PIGQ: variants seen among roughly 807,000 people sequenced by gnomAD.
PIGQ encodes the protein phosphatidylinositol glycan anchor biosynthesis class Q.
Under a neutral mutation model 60.3 loss-of-function variants are expected in PIGQ, and 54 were observed. The observed-to-expected ratio is 0.90, with a 90% confidence interval of 0.72 to 1.12. The LOEUF (loss-of-function observed/expected upper bound fraction) is 1.12, where lower values mean the gene tolerates loss of function less well. PIGQ is among the 50% of genes most tolerant of loss of function. The pLI is 0.00. For synonymous variants in PIGQ, 416 were observed against 363.7 expected (o/e 1.14, Z -1.64); for missense variants, 799 against 793.5 (o/e 1.01, Z -0.08).
At chr16:580,448 T>A (rs527280388) in intron 8 of PIGQ, 185 bp downstream of exon 8, 12 of 559,920 alleles carry the variant, frequency 2.1e-5, no homozygotes, top group Middle Eastern at 4.5e-4. Context: ...TCCTGGCCAG[T>A]AAGACACCCT....
chr16:578,619 G>A (rs2035759586), intron 5 of PIGQ, 114 bp downstream of exon 5: 2 of 1,423,254 alleles, frequency 1.4e-6, no homozygotes, highest in Non-Finnish European at 9.7e-7. Context: ...CGTCCTGTGT[G>A]TGTGAGGCCT....
chr16:583,529 G>C lies in PIGQ; in HGVS notation c.*494G>C, dbSNP rs1213771447. On this transcript the variant is annotated 3_prime_UTR_variant, in exon 11 of 11. Coordinates refer to ENST00000321878, the MANE Select transcript of PIGQ (RefSeq NM_004204.5). ...CAGCCGAACAGCACCCTGCATCTGG[G>C]GGATTGAAGCAGTCGCTGACCCCCG... 1 of 1,612,490 alleles carries C rather than the reference G, an allele frequency of 6.2e-7. No individual in the cohort carries two copies. Among genetic ancestry groups the C allele is most frequent in the Non-Finnish European group, 8.5e-7 (1 of 1,179,824 alleles).
At chr16:582,844 C>T in intron 10 of PIGQ, 39 bp from the exon 11 acceptor site, 1 of 1,559,654 alleles carries the variant, frequency 6.4e-7, no homozygotes. Context: ...GGGGTTGGAG[C>T]TCAGACCACC....
chr16:579,443 GCCCAGAGA>G lies in PIGQ; in HGVS notation c.1335+265_1335+272del, dbSNP rs1313948124. On this transcript the variant is annotated intron_variant, in intron 7 of 10. Coordinates refer to ENST00000321878, the MANE Select transcript of PIGQ (RefSeq NM_004204.5). Reference sequence around the variant, plus strand: ...GGCACAGGCCCTAGAGGTGCCCCGGGCCCAGAGACTAGAGATGCCCCGGGCCCGGAGAC... The same window carrying G: ...GGCACAGGCCCTAGAGGTGCCCCGGGCTAGAGATGCCCCGGGCCCGGAGAC... 2.0e-4 allele frequency: 74 copies of G among 365,580 alleles called. 1 individual carries two copies. The highest frequency in any genetic ancestry group is 7.5e-4 in the African/African-American group (34 of 45,622). 22.6% of individuals were successfully genotyped at this position (365,580 alleles called of 1,614,324 possible). A position where few individuals can be genotyped will look rare whatever the true frequency, so the allele number is the denominator to read the frequency against.
intron 7 of PIGQ, 98 bp from the exon 8 acceptor site, chr16:580,085 G>A (rs2035787877): frequency 1.1e-6 from 1 of 880,036 alleles, no homozygotes; most frequent in Non-Finnish European, 1.7e-6. Context: ...AAGCCGCAAG[G>A]TCCCGACTGC....
rs1567176646 is a variant in PIGQ at position 578,871 on chromosome 16, T to A, written c.1156T>A (p.Ser386Thr). Reference sequence around the variant, plus strand: ...CTGCCTGGGCCTGACGGTGGCCCTGTCCCTCCTCTCGGACATTATCGCCCT... The same window carrying A: ...CTGCCTGGGCCTGACGGTGGCCCTGACCCTCCTCTCGGACATTATCGCCCT... Reference protein sequence around the residue: ...SACLGLTVALSLLSDIIALLT... With the variant: ...SACLGLTVALTLLSDIIALLT... Residue 386 changes from serine (S) to threonine (T), a missense_variant, in exon 6 of 11, where the codon TCC becomes ACC. Coordinates refer to ENST00000321878, the MANE Select transcript of PIGQ (RefSeq NM_004204.5). 6.2e-7 allele frequency: 1 copy of A among 1,613,768 alleles called. No individual in the cohort carries two copies. The highest frequency in any genetic ancestry group is 8.5e-7 in the Non-Finnish European group (1 of 1,179,940).
rs1393407010 is a variant in PIGQ at position 576,174 on chromosome 16, C to T, written c.862C>T (p.Leu288=). The T allele has an allele frequency of 1.3e-6, 2 of 1,549,622 alleles. No individual in the cohort carries two copies. Among genetic ancestry groups the T allele is most frequent in the Non-Finnish European group, 1.7e-6 (2 of 1,146,980 alleles). ...GGCCTCTGTGCTGCTGGACGTGGCC[C>T]TGGGCCTCATGCTGCTGTCCTGGCT... is the stretch of plus-strand genomic sequence containing the variant. ...TVASVLLDVA[L]GLMLLSWLHG... is the part of the protein sequence containing the mutation. Residue 288 remains leucine (L), a synonymous_variant, in exon 4 of 11, where the codon CTG becomes TTG. Coordinates refer to ENST00000321878, the MANE Select transcript of PIGQ (RefSeq NM_004204.5).
chr16:576,419 G>C lies in PIGQ; in HGVS notation c.942+165G>C, dbSNP rs942930413. ...TGAACCAGAAGCAGGAACTCCAGGGGCGCTGGGGCCTGGGCAGGGCAGGCC... is the reference window on the plus strand; with the variant it reads ...TGAACCAGAAGCAGGAACTCCAGGGCCGCTGGGGCCTGGGCAGGGCAGGCC... On this transcript the variant is annotated intron_variant, in intron 4 of 10. Transcript: ENST00000321878. The C allele has an allele frequency of 7.1e-6, 6 of 843,400 alleles. No individual in the cohort carries two copies. In the African/African-American group the frequency reaches 1.0e-4, roughly 14 times the overall value. 52.2% of individuals were successfully genotyped at this position (843,400 alleles called of 1,614,324 possible). A position where few individuals can be genotyped will look rare whatever the true frequency, so the allele number is the denominator to read the frequency against.
chr16:580,557 C>T (rs2035794543), intron 8 of PIGQ: 2 of 552,614 alleles, frequency 3.6e-6, no homozygotes, highest in African/African-American at 1.9e-5. Flanking sequence ...CTGGGGCAGA[C>T]AGTGGGAGGT....
In PIGQ at chr16:583,803, A is replaced by G. The variant is rs1322871628; in HGVS notation, c.*768A>G. 2.6e-6 allele frequency: 2 copies of G among 772,620 alleles called. No homozygotes were observed. The highest frequency in any genetic ancestry group is 1.7e-5 in the African/African-American group (1 of 58,672). The allele number at this position is 772,620 out of a possible 1,614,324, so 47.9% of individuals were successfully genotyped here. On this transcript the variant is annotated 3_prime_UTR_variant, in exon 11 of 11. Coordinates refer to ENST00000321878, the MANE Select transcript of PIGQ (RefSeq NM_004204.5). ...CCCTTCATGGGCCTCCCAGGGAAGG[A>G]GGAAGCCCTGCTGTGCAGACACCTC...
In PIGQ at chr16:574,480, G is replaced by T; in HGVS notation, c.406G>T (p.Val136Leu). The change falls in exon 2 of 11, where the codon GTG becomes TTG. Residue 136 changes from valine (V) to leucine (L), a missense_variant. By Grantham distance (32) the Val-to-Leu change is conservative. Transcript: ENST00000321878. ...GCTCATCTTCTATGACCAGCGCCAG[G>T]TGTTGCTGTCACAGCTACACCTGCC... ...VMLIFYDQRQVLLSQLHLPTV... is the reference protein window; with the variant it reads ...VMLIFYDQRQLLLSQLHLPTV... 6.2e-7 allele frequency: 1 copy of T among 1,610,316 alleles called. No individual in the cohort carries two copies. The highest frequency in any genetic ancestry group is 8.5e-7 in the Non-Finnish European group (1 of 1,179,004).
In PIGQ at chr16:576,288, G is replaced by C. The variant is rs1281836766; in HGVS notation, c.942+34G>C. 6 of 1,544,448 alleles carry C rather than the reference G, an allele frequency of 3.9e-6. No individual in the cohort carries two copies. In the South Asian group the frequency reaches 6.0e-5, roughly 15 times the overall value. On this transcript the variant is annotated intron_variant, in intron 4 of 10. Transcript: ENST00000321878. Reference sequence around the variant, plus strand: ...ACTGGGGTGGAGCCCGGTGTCCCGGGTGGGCGTGGGGACCCCTCCTGGGCA... The same window carrying C: ...ACTGGGGTGGAGCCCGGTGTCCCGGCTGGGCGTGGGGACCCCTCCTGGGCA...
Position 582,225 on chromosome 16 carries a change from T to C in PIGQ, c.1532-23T>C, listed in dbSNP as rs4006748. 662,583 of 1,513,024 alleles carry C rather than the reference T, an allele frequency of 0.44. 154,731 individuals are homozygous for C. Among genetic ancestry groups the C allele is most frequent in the East Asian group, 0.66 (28,204 of 42,648 alleles). The allele number at this position is 1,513,024 out of a possible 1,614,324, so 93.7% of individuals were successfully genotyped here. On this transcript the variant is annotated intron_variant, in intron 9 of 10. Transcript: ENST00000321878. ...GGGCCAGCCCCCACGCGTCCCCTCGTCAGCCGCTTGCTATCCTTGCAGCTG... is the reference window on the plus strand; with the variant it reads ...GGGCCAGCCCCCACGCGTCCCCTCGCCAGCCGCTTGCTATCCTTGCAGCTG...
rs1176149269 is a variant in PIGQ at position 571,038 on chromosome 16, C to CGTGTGTGTGTGTGTGTGTGT, written c.-10+993_-10+1012dup. Among the ~76,000 whole-genome samples the CGTGTGTGTGTGTGTGTGTGT allele has an allele frequency of 5.9e-5, 5 of 85,224 alleles. 1 individual carries two copies. Among genetic ancestry groups the CGTGTGTGTGTGTGTGTGTGT allele is most frequent in the Non-Finnish European group, 1.0e-4 (4 of 38,188 alleles). The allele number at this position is 85,224 out of a possible 152,430, so 55.9% of individuals were successfully genotyped here. The stretch of plus-strand genomic sequence containing the variant: ...AAGCTCTTCTGGCTAGCCTGGCGCC[C>CGTGTGTGTGTGTGTGTGTGT]GTGTGTGTGTGTGTGTGTGTGTGTG... On this transcript the variant is annotated intron_variant, in intron 1 of 10. Coordinates refer to ENST00000321878, the MANE Select transcript of PIGQ (RefSeq NM_004204.5).
intron 4 of PIGQ, among the ~76,000 whole-genome samples, chr16:577,413 T>C (rs1567176082): frequency 1.3e-5 from 2 of 151,812 alleles, no homozygotes; most frequent in Admixed American, 6.6e-5. Flanking sequence ...CCGTCTCTAC[T>C]AAAAATACAA....
At chr16:573,028 C>T (rs1031406925) in intron 1 of PIGQ, among the ~76,000 whole-genome samples, 10 of 152,220 alleles carry the variant, frequency 6.6e-5, no homozygotes, top group East Asian at 1.9e-4. Flanking sequence ...GTGCCCCCAC[C>T]GCTAGGGAGT....
In PIGQ at chr16:574,155, G is replaced by C. The variant is rs1417451145; in HGVS notation, c.81G>C (p.Gln27His). Residue 27 changes from glutamine (Q) to histidine (H), a missense_variant, in exon 2 of 11, where the codon CAG becomes CAC. Transcript: ENST00000321878. Reference sequence around the variant, plus strand: ...TGGTGGGACGGTGGGTGCCGGAGCAGAGCAGCGCCGTGGTCCTGGCGGTCC... The same window carrying C: ...TGGTGGGACGGTGGGTGCCGGAGCACAGCAGCGCCGTGGTCCTGGCGGTCC... ...GLLVGRWVPE[Q>H]SSAVVLAVLH... 1 of 1,612,510 alleles carries C rather than the reference G, an allele frequency of 6.2e-7. No individual in the cohort carries two copies. Among genetic ancestry groups the C allele is most frequent in the South Asian group, 1.1e-5 (1 of 91,062 alleles).
rs200353362 is a variant in PIGQ at position 574,694 on chromosome 16, G to A, written c.620G>A (p.Arg207Gln). 556 of 1,601,774 alleles carry A rather than the reference G, an allele frequency of 3.5e-4. 9 individuals carry two copies. In the East Asian group the frequency reaches 8.7e-3, roughly 25 times the overall value. Residue 207 changes from arginine (R) to glutamine (Q), a missense_variant, in exon 2 of 11, where the codon CGA (arginine) becomes CAA (glutamine). By Grantham distance (43) the Arg-to-Gln change is conservative. Coordinates refer to ENST00000321878, the MANE Select transcript of PIGQ (RefSeq NM_004204.5). ...EASILAELAR[R>Q]ASGPICLLLA... ...AGCATCCTCGCGGAGCTGGCCAGGCGAGCCTCGGGACCCATTTGCCTGCTG... is the reference window on the plus strand; with the variant it reads ...AGCATCCTCGCGGAGCTGGCCAGGCAAGCCTCGGGACCCATTTGCCTGCTG...
At chr16:582,454 C>T (rs2035829554) in intron 10 of PIGQ, 145 bp downstream of exon 10, 6 of 625,618 alleles carry the variant, frequency 9.6e-6, no homozygotes, top group Non-Finnish European at 1.7e-5. Context: ...GGGGAAGGCC[C>T]ACGCGGGACC....
Sources: allele counts gnomAD v4.1 joint callset (sites outside exome capture counted in the v4.1 genomes callset), GRCh38; gene constraint gnomAD v4.1.1; transcripts MANE v1.5; gene names NCBI Gene and HGNC (gene_info 2026-07-23, HGNC 2026-07-21).